The following FAM135B variants were observed in gnomAD, a reference collection of about 807,000 sequenced individuals.
FAM135B encodes the protein family with sequence similarity 135 member B, also known as protein FAM135B.
FAM135B carries 43 observed loss-of-function variants against 127.7 expected under a neutral mutation model. That is an observed-to-expected ratio of 0.34 (90% CI 0.26 to 0.43). FAM135B has a LOEUF of 0.43. Ranked by LOEUF, FAM135B falls within the 20% of genes least tolerant of loss-of-function variation. The pLI, the probability that FAM135B is intolerant of heterozygous loss-of-function variation, is 1.00. For missense variants in FAM135B, 1,558 were observed against 1,725.6 expected (o/e 0.90, Z 1.72); for synonymous variants, 670 against 665.1 (o/e 1.01, Z -0.11).
At chr8:138,229,302 T>G (rs1287765837) in intron 7 of FAM135B, among the ~76,000 whole-genome samples, 1 of 152,138 alleles carries the variant, frequency 6.6e-6, no homozygotes, top group Non-Finnish European at 1.5e-5. Context: ...GGCGTGGCAT[T>G]GGACACCTTC....
chr8:138,419,084 C>A (rs1260455164), intron 1 of FAM135B, among the ~76,000 whole-genome samples: 1 of 152,058 alleles, frequency 6.6e-6, no homozygotes, highest in Non-Finnish European at 1.5e-5. Context: ...GCAAGAAGAC[C>A]AAACTGTATG....
rs534461988 is a variant in FAM135B, at chr8:138,455,103, G to A, written c.-20+41568C>T. ...TGTGATTTTGTGACCTTCAGAAAGAGAAAGTCTTTGGGGGATCTATTTTAA... is the reference window on the plus strand; with the variant it reads ...TGTGATTTTGTGACCTTCAGAAAGAAAAAGTCTTTGGGGGATCTATTTTAA... On this transcript the variant is annotated intron_variant, in intron 1 of 19. Coordinates refer to ENST00000395297, the MANE Select transcript of FAM135B (RefSeq NM_015912.4). 2.0e-4 allele frequency among the ~76,000 whole-genome samples: 30 copies of A among 152,332 alleles called. No homozygotes were observed. The East Asian group carries it at 4.8e-3, about 24-fold the overall frequency.
At chr8:138,235,805 C>G (rs968408813) in intron 7 of FAM135B, among the ~76,000 whole-genome samples, 1 of 152,182 alleles carries the variant, frequency 6.6e-6, no homozygotes, top group African/African-American at 2.4e-5. Context: ...AGATACTGTT[C>G]TACGATTCTC....
intron 1 of FAM135B, among the ~76,000 whole-genome samples, chr8:138,421,424 CT>C (rs1352552422): frequency 1.6e-4 from 25 of 152,318 alleles, no homozygotes; most frequent in African/African-American, 6.0e-4. Flanking sequence ...GCTCTTAGAA[CT>C]GACAATTTCA....
chr8:138,373,769 G>A (rs180991357), intron 1 of FAM135B, among the ~76,000 whole-genome samples: 2 of 152,116 alleles, frequency 1.3e-5, no homozygotes, highest in Admixed American at 6.5e-5. Flanking sequence ...TTCTATGGTC[G>A]AGACTGTATG....
chr8:138,410,435 G>C (rs1833797002), intron 1 of FAM135B, among the ~76,000 whole-genome samples: 1 of 152,192 alleles, frequency 6.6e-6, no homozygotes, highest in Non-Finnish European at 1.5e-5. Flanking sequence ...CTGCCTTATG[G>C]AACTGGCGAT....
chr8:138,433,057 T>C (rs1298369735), intron 1 of FAM135B, among the ~76,000 whole-genome samples: 1 of 151,972 alleles, frequency 6.6e-6, no homozygotes, highest in Non-Finnish European at 1.5e-5. Flanking sequence ...TGTATACAGA[T>C]AGCAAAGGGT....
At chr8:138,386,196 A>G (rs943260921) in intron 1 of FAM135B, among the ~76,000 whole-genome samples, 1 of 151,982 alleles carries the variant, frequency 6.6e-6, no homozygotes, top group Non-Finnish European at 1.5e-5. Context: ...AGCCTGAGCA[A>G]CAAGAGGGAA....
chr8:138,138,085 C>T (rs1036266222), intron 18 of FAM135B, among the ~76,000 whole-genome samples: 1 of 152,166 alleles, frequency 6.6e-6, no homozygotes, highest in Non-Finnish European at 1.5e-5. Context: ...CAGCCCCTCC[C>T]CTTCCTTCAG....
At chr8:138,134,179 T>C (rs117504157) in intron 19 of FAM135B, among the ~76,000 whole-genome samples, 1 of 152,322 alleles carries the variant, frequency 6.6e-6, no homozygotes, top group Non-Finnish European at 1.5e-5. Flanking sequence ...TAAACCATGC[T>C]TTGTGGGCTA....
At chr8:138,193,312 C>T (rs928171817) in intron 9 of FAM135B, among the ~76,000 whole-genome samples, 1 of 152,164 alleles carries the variant, frequency 6.6e-6, no homozygotes, top group African/African-American at 2.4e-5. Flanking sequence ...CTGAGAATCC[C>T]TGCTGATTAA....
intron 1 of FAM135B, among the ~76,000 whole-genome samples, chr8:138,404,095 T>C (rs967217192): frequency 3.3e-5 from 5 of 152,124 alleles, no homozygotes; most frequent in Admixed American, 2.0e-4. Flanking sequence ...TTGGTGATGT[T>C]GCAGGTTCAG....
rs1232275653 is a variant in FAM135B, at chr8:138,229,650, T to A, written c.669+13292A>T. Among the ~76,000 whole-genome samples, 3 of 152,166 alleles carry A rather than the reference T, an allele frequency of 2.0e-5. No individual in the cohort carries two copies. The East Asian group carries it at 5.8e-4, about 29-fold the overall frequency. On this transcript the variant is annotated intron_variant, in intron 7 of 19. Transcript: ENST00000395297. ...GCTGCCACCTTTAACACACACCTTC[T>A]GTATTAGTCTGTTCTCATGCTGCTA...
At chr8:138,137,902 T>A (rs182912498) in intron 18 of FAM135B, among the ~76,000 whole-genome samples, 13 of 152,292 alleles carry the variant, frequency 8.5e-5, no homozygotes, top group Admixed American at 2.6e-4. Context: ...ACACTCCATC[T>A]GTACTGAGAC....
intron 15 of FAM135B, among the ~76,000 whole-genome samples, chr8:138,143,771 A>G (rs912010078): frequency 1.3e-5 from 2 of 152,222 alleles, no homozygotes; most frequent in Non-Finnish European, 2.9e-5. Flanking sequence ...AATATCCAAA[A>G]ATGTTTGAAA....
intron 12 of FAM135B, among the ~76,000 whole-genome samples, chr8:138,153,643 C>T (rs555125883): frequency 8.3e-4 from 127 of 152,308 alleles, no homozygotes; most frequent in African/African-American, 2.3e-3. Flanking sequence ...GATTATATCC[C>T]GCACCTGGCT....
At chr8:138,244,235 G>A (rs1260468056) in intron 6 of FAM135B, among the ~76,000 whole-genome samples, 1 of 152,124 alleles carries the variant, frequency 6.6e-6, no homozygotes, top group Non-Finnish European at 1.5e-5. Context: ...GAAACCAATA[G>A]ATGTAATACA....
At position 138,184,910 on chromosome 8, in the gene FAM135B, C is replaced by T. The variant is rs373388317; in HGVS notation, c.874-6220G>A. On this transcript the variant is annotated intron_variant, in intron 9 of 19. Coordinates refer to ENST00000395297, the MANE Select transcript of FAM135B (RefSeq NM_015912.4). ...AGAATGCACATTTTAACAAGATCCCCAGGTAATTCATGTGCACATTAAAGT... is the reference window on the plus strand; with the variant it reads ...AGAATGCACATTTTAACAAGATCCCTAGGTAATTCATGTGCACATTAAAGT... 2.0e-5 allele frequency among the ~76,000 whole-genome samples: 3 copies of T among 152,200 alleles called. No individual in the cohort carries two copies. In the East Asian group the frequency reaches 5.8e-4, roughly 29 times the overall value.
intron 6 of FAM135B, among the ~76,000 whole-genome samples, chr8:138,247,342 G>GATCTGGTGGGAGGT (rs1405557262): frequency 2.0e-5 from 3 of 152,174 alleles, no homozygotes; most frequent in Non-Finnish European, 4.4e-5. Context: ...TGGTGGGAGG[G>GATCTGGTGGGAGGT]ATCTGGTGGG....
Sources: allele counts gnomAD v4.1 joint callset (sites outside exome capture counted in the v4.1 genomes callset), GRCh38; gene constraint gnomAD v4.1.1; transcripts MANE v1.5; gene names NCBI Gene and HGNC (gene_info 2026-07-23, HGNC 2026-07-21).